CSMD1: variants seen among roughly 807,000 people sequenced by gnomAD.
CSMD1 encodes CUB and sushi domain-containing protein 1.
CSMD1 carries 213 observed loss-of-function variants against 417.5 expected under a neutral mutation model. The observed-to-expected ratio is 0.51, with a 90% confidence interval of 0.46 to 0.57. The LOEUF (loss-of-function observed/expected upper bound fraction) is 0.57, where lower values mean the gene tolerates loss of function less well. Ranked by LOEUF, CSMD1 falls within the 20% of genes least tolerant of loss-of-function variation. The pLI, the probability that CSMD1 is intolerant of heterozygous loss-of-function variation, is 0.00. For synonymous variants in CSMD1, 2,862 were observed against 1,736.8 expected (o/e 1.65, Z -16.11); for missense variants, 6,923 against 4,529.7 (o/e 1.53, Z -15.17).
Position 3,929,231 on chromosome 8 carries a change from T to C in CSMD1, c.818+68672A>G, listed in dbSNP as rs778578882. 1.3e-4 allele frequency among the ~76,000 whole-genome samples: 20 copies of C among 150,060 alleles called. 2 individuals carry two copies. Among genetic ancestry groups the C allele is most frequent in the Non-Finnish European group, 2.2e-4 (15 of 67,446 alleles). ...CATGGTTTCTCTTACATAAAGGAGG[T>C]GTTTGTCCATATACACATATGGACA... is the stretch of plus-strand genomic sequence containing the variant. On this transcript the variant is annotated intron_variant, in intron 5 of 69. Coordinates refer to ENST00000635120, the MANE Select transcript of CSMD1 (RefSeq NM_033225.6).
chr8:3,342,889 A>ATGTGTGTGTG (rs1345962497), intron 23 of CSMD1, among the ~76,000 whole-genome samples: 15 of 54,662 alleles, frequency 2.7e-4, no homozygotes, highest in Non-Finnish European at 4.4e-4. Context: ...ATGTATAAAT[A>ATGTGTGTGTG]TATGTGTGTA....
intron 63 of CSMD1, 22 bp downstream of exon 63, chr8:2,957,674 G>T (rs10112014): frequency 0.022 from 30,306 of 1,396,714 alleles, 1,247 homozygotes; most frequent in African/African-American, 0.17. Context: ...CTTGTGATGG[G>T]GGTGGAAGAA....
At chr8:4,829,969 C>G (rs916169896) in intron 1 of CSMD1, among the ~76,000 whole-genome samples, 1 of 152,216 alleles carries the variant, frequency 6.6e-6, no homozygotes, top group Non-Finnish European at 1.5e-5. Flanking sequence ...ATTTTGCTTA[C>G]AAACATATCG....
chr8:3,869,032 T>G (rs144759384), intron 5 of CSMD1, among the ~76,000 whole-genome samples: 1 of 152,206 alleles, frequency 6.6e-6, no homozygotes, highest in African/African-American at 2.4e-5. Flanking sequence ...GCAAGCATAT[T>G]TACAGTGCCC....
intron 3 of CSMD1, among the ~76,000 whole-genome samples, chr8:4,333,506 A>G (rs1411753132): frequency 3.9e-5 from 6 of 151,904 alleles, no homozygotes; most frequent in Admixed American, 3.3e-4. Context: ...GTACAGCACT[A>G]CTCTCATTTC....
chr8:4,082,433 A>T (rs898565121), intron 3 of CSMD1, among the ~76,000 whole-genome samples: 70 of 152,290 alleles, frequency 4.6e-4, no homozygotes, highest in African/African-American at 1.6e-3. Context: ...AAATCTTTTG[A>T]AAATAGAGGA....
chr8:4,619,264 AT>A (rs1351318528), intron 2 of CSMD1, among the ~76,000 whole-genome samples: 1 of 152,154 alleles, frequency 6.6e-6, no homozygotes, highest in African/African-American at 2.4e-5. Flanking sequence ...TTATGTTTAA[AT>A]GCTGTTAAAT....
rs1563080214 is a variant in CSMD1 at position 4,348,648 on chromosome 8, G to GA, written c.415+71304_415+71305insT. Among the ~76,000 whole-genome samples, 1,089 of 110,498 alleles carry GA rather than the reference G, an allele frequency of 9.9e-3. 10 individuals are homozygous for GA. Among genetic ancestry groups the GA allele is most frequent in the Admixed American group, 0.017 (176 of 10,094 alleles). The allele number at this position is 110,498 out of a possible 152,430, so 72.5% of individuals were successfully genotyped here. A position where few individuals can be genotyped will look rare whatever the true frequency, so the allele number is the denominator to read the frequency against. On this transcript the variant is annotated intron_variant, in intron 3 of 69. Transcript: ENST00000635120. Reference sequence around the variant, plus strand: ...GGAGGGGAGAGGGGGAGAGGGAGGGGGAGAGAGAGAGAGAGAGAGAGACTC... The same window carrying GA: ...GGAGGGGAGAGGGGGAGAGGGAGGGGAGAGAGAGAGAGAGAGAGAGAGACTC...
At chr8:3,609,405 C>A (rs1320306088) in intron 8 of CSMD1, among the ~76,000 whole-genome samples, 1 of 152,200 alleles carries the variant, frequency 6.6e-6, no homozygotes, top group African/African-American at 2.4e-5. Context: ...GTGAAAAATA[C>A]TGTCAGCAAA....
intron 23 of CSMD1, among the ~76,000 whole-genome samples, chr8:3,314,589 T>G (rs757261189): frequency 2.0e-5 from 3 of 152,220 alleles, no homozygotes; most frequent in Non-Finnish European, 2.9e-5. Context: ...TCTATTTCTT[T>G]GTTTTCTAGT....
intron 3 of CSMD1, among the ~76,000 whole-genome samples, chr8:4,094,875 G>T (rs1344402673): frequency 6.6e-6 from 1 of 152,186 alleles, no homozygotes; most frequent in Admixed American, 6.5e-5. Context: ...GGCATATTGT[G>T]TATGTTAAAA....
At chr8:4,392,389 G>C (rs1035240739) in intron 3 of CSMD1, among the ~76,000 whole-genome samples, 1 of 152,050 alleles carries the variant, frequency 6.6e-6, no homozygotes, top group Admixed American at 6.5e-5. Context: ...ATTAAAATCA[G>C]AGACACAAAA....
intron 2 of CSMD1, among the ~76,000 whole-genome samples, chr8:4,493,062 G>C (rs1801788055): frequency 6.6e-6 from 1 of 152,108 alleles, no homozygotes; most frequent in Admixed American, 6.5e-5. Flanking sequence ...TTTCAGTTCT[G>C]AGGTTAATAC....
chr8:3,017,826 A>G (rs1808978252), intron 52 of CSMD1, among the ~76,000 whole-genome samples: 1 of 138,086 alleles, frequency 7.2e-6, no homozygotes, highest in Non-Finnish European at 1.5e-5. Flanking sequence ...AAAAAAAAAA[A>G]AAAAAAAAAG....
intron 3 of CSMD1, among the ~76,000 whole-genome samples, chr8:4,368,195 A>G (rs1802197166): frequency 6.6e-6 from 1 of 152,160 alleles, no homozygotes; most frequent in Admixed American, 6.5e-5. Context: ...GAGGGTTTTT[A>G]ACATGAATGT....
At chr8:3,151,824 G>T (rs1423886778) in intron 39 of CSMD1, among the ~76,000 whole-genome samples, 1 of 152,200 alleles carries the variant, frequency 6.6e-6, no homozygotes, top group Non-Finnish European at 1.5e-5. Flanking sequence ...ATGGACTTCA[G>T]TATATTAGCT....
At chr8:4,243,915 G>A (rs1802546815) in intron 3 of CSMD1, among the ~76,000 whole-genome samples, 3 of 152,218 alleles carry the variant, frequency 2.0e-5, no homozygotes, top group South Asian at 4.1e-4. Flanking sequence ...TTAGCAGAGA[G>A]TTTGCTTCCC....
At chr8:4,954,641 A>C (rs552827503) in intron 1 of CSMD1, among the ~76,000 whole-genome samples, 3 of 152,350 alleles carry the variant, frequency 2.0e-5, no homozygotes, top group Admixed American at 2.0e-4. Context: ...ACCAAAAGCA[A>C]ATACCCAATG....
intron 38 of CSMD1, among the ~76,000 whole-genome samples, 171 bp downstream of exon 38, chr8:3,161,988 G>T (rs1293215206): frequency 6.6e-6 from 1 of 152,210 alleles, no homozygotes; most frequent in African/African-American, 2.4e-5. Flanking sequence ...TCACTTAAAA[G>T]CTGTTTCCAA....
Sources: gnomAD v4.1 joint callset for allele counts (sites outside exome capture counted in the v4.1 genomes callset) on GRCh38, gnomAD v4.1.1 for gene constraint, MANE v1.5 for transcripts, NCBI Gene and HGNC (gene_info 2026-07-23, HGNC 2026-07-21) for gene names.